NAA50: variants seen among roughly 807,000 people sequenced by gnomAD.
NAA50 encodes N-alpha-acetyltransferase 50.
In NAA50, 7 loss-of-function variants were observed where a neutral mutation model predicts 20.7. The observed-to-expected ratio is 0.34, with a 90% CI of 0.19 to 0.63. The LOEUF (loss-of-function observed/expected upper bound fraction) is 0.63. Ranked by LOEUF, NAA50 falls within the 30% of genes least tolerant of loss-of-function variation. The pLI is 0.75. For synonymous variants in NAA50, 54 were observed against 70.6 expected (o/e 0.77, Z 1.18); for missense variants, 111 against 199.1 (o/e 0.56, Z 2.66).
intron 2 of NAA50, 85 bp downstream of exon 2, chr3:113,723,874 T>C (rs1708166638): frequency 7.3e-7 from 1 of 1,377,482 alleles, no homozygotes; most frequent in African/African-American, 1.5e-5. Flanking sequence ...CTAAATTAGT[T>C]AACTTCTTCT....
At chr3:113,729,636 G>A (rs374685594) in intron 1 of NAA50, among the ~76,000 whole-genome samples, 3 of 151,690 alleles carry the variant, frequency 2.0e-5, no homozygotes, top group Non-Finnish European at 2.9e-5. Flanking sequence ...CTCCGCCTAC[G>A]GGCTCAGGGG....
intron 4 of NAA50, 146 bp downstream of exon 4, chr3:113,722,760 C>A: frequency 1.0e-6 from 1 of 961,122 alleles, no homozygotes; most frequent in Non-Finnish European, 1.5e-6. Context: ...CTAAACAAAA[C>A]TAACAACTAC....
Position 113,721,707 on chromosome 3 carries a change from C to T in NAA50, c.*53G>A, listed in dbSNP as rs1405011841. The T allele has an allele frequency of 3.1e-6, 5 of 1,590,914 alleles. No homozygotes were observed. The highest frequency in any genetic ancestry group is 2.6e-6 in the Non-Finnish European group (3 of 1,161,274). On this transcript the variant is annotated 3_prime_UTR_variant, in exon 5 of 5. Coordinates refer to ENST00000240922, the MANE Select transcript of NAA50 (RefSeq NM_025146.4). Reference sequence around the variant, plus strand: ...TTGGGGTGGGGGAGGAATCAATGGGCCTCTCTTTTATTTGGCGACAAGCAA... The same window carrying T: ...TTGGGGTGGGGGAGGAATCAATGGGTCTCTCTTTTATTTGGCGACAAGCAA...
At chr3:113,743,161 GCTA>G (rs1419419944) in intron 1 of NAA50, among the ~76,000 whole-genome samples, 4 of 152,116 alleles carry the variant, frequency 2.6e-5, no homozygotes, top group Non-Finnish European at 5.9e-5. Context: ...AAGTCCTACT[GCTA>G]CTACTAATAA....
chr3:113,739,877 G>C (rs747267304), intron 1 of NAA50, among the ~76,000 whole-genome samples: 28 of 152,132 alleles, frequency 1.8e-4, no homozygotes, highest in Admixed American at 4.6e-4. Context: ...AGATATACAA[G>C]TGACATACAA....
In NAA50 at chr3:113,716,481, T is replaced by C. The variant is rs960945489; in HGVS notation, c.*5279A>G. ...CATATAGTACCTGACAGTTTTATTA[T>C]ACTTTAGGGGAAGAGATGGCTAGTG... On this transcript the variant is annotated 3_prime_UTR_variant, in exon 5 of 5. Coordinates refer to ENST00000240922, the MANE Select transcript of NAA50 (RefSeq NM_025146.4). 1 of 152,254 alleles carries C rather than the reference T, an allele frequency of 6.6e-6. No individual in the cohort carries two copies. The highest frequency in any genetic ancestry group is 2.4e-5 in the African/African-American group (1 of 41,466). The allele number at this position is 152,254 out of a possible 1,614,324, so 9.4% of individuals were successfully genotyped here. A position where few individuals can be genotyped will look rare whatever the true frequency, so the allele number is the denominator to read the frequency against.
intron 1 of NAA50, among the ~76,000 whole-genome samples, chr3:113,731,761 T>G (rs940520049): frequency 1.3e-5 from 2 of 152,232 alleles, no homozygotes; most frequent in Non-Finnish European, 2.9e-5. Flanking sequence ...GTGGCATGAT[T>G]TTGACGTTCA....
intron 3 of NAA50, 100 bp from the exon 4 acceptor site, chr3:113,723,072 G>T: frequency 2.9e-6 from 4 of 1,364,146 alleles, no homozygotes; most frequent in Non-Finnish European, 3.9e-6. Flanking sequence ...AGTCCTAAAA[G>T]AATTTATGAG....
At chr3:113,729,329 T>C (rs951489366) in intron 1 of NAA50, among the ~76,000 whole-genome samples, 3 of 152,244 alleles carry the variant, frequency 2.0e-5, no homozygotes, top group Non-Finnish European at 2.9e-5. Context: ...CAGGGTTATC[T>C]TGGCCTCAAA....
At chr3:113,727,460 A>T (rs1708213734) in intron 1 of NAA50, among the ~76,000 whole-genome samples, 1 of 152,208 alleles carries the variant, frequency 6.6e-6, no homozygotes. Context: ...ACTTCATACA[A>T]GAAGAAAAAG....
At position 113,746,162 on chromosome 3, in the gene NAA50, C is replaced by T; in HGVS notation, c.-213G>A. 1 of 565,098 alleles carries T rather than the reference C, an allele frequency of 1.8e-6. No individual in the cohort carries two copies. Among genetic ancestry groups the T allele is most frequent in the Non-Finnish European group, 3.0e-6 (1 of 329,126 alleles). 35.0% of individuals were successfully genotyped at this position (565,098 alleles called of 1,614,324 possible). On this transcript the variant is annotated 5_prime_UTR_variant, in exon 1 of 5. Transcript: ENST00000240922. ...AGTGTCTCCCGCCGCCGCGCTTGTG[C>T]CGCCGCTTCTCCACACGTGCACTCG...
chr3:113,744,331 G>C (rs995947882), intron 1 of NAA50, among the ~76,000 whole-genome samples: 2 of 151,984 alleles, frequency 1.3e-5, no homozygotes, highest in Non-Finnish European at 2.9e-5. Context: ...AGGCGTGGTG[G>C]TGCGCGCCTG....
Position 113,718,848 on chromosome 3 carries a change from G to C in NAA50, c.*2912C>G, listed in dbSNP as rs149778127. 1.3e-5 allele frequency: 2 copies of C among 152,454 alleles called. No individual in the cohort carries two copies. Among genetic ancestry groups the C allele is most frequent in the African/African-American group, 4.8e-5 (2 of 41,402 alleles). 9.4% of individuals were successfully genotyped at this position (152,454 alleles called of 1,614,324 possible). On this transcript the variant is annotated 3_prime_UTR_variant, in exon 5 of 5. Coordinates refer to ENST00000240922, the MANE Select transcript of NAA50 (RefSeq NM_025146.4). ...GAATTAGGATGCCTTAATTACACTT[G>C]GCCTATTTTAATGATTTTAAAATTA...
At chr3:113,729,305 A>T (rs540403002) in intron 1 of NAA50, among the ~76,000 whole-genome samples, 1 of 152,172 alleles carries the variant, frequency 6.6e-6, no homozygotes, top group South Asian at 2.1e-4. Flanking sequence ...AATATTCTTG[A>T]TATGTTTTCT....
chr3:113,725,899 T>C (rs1393823858), intron 1 of NAA50, among the ~76,000 whole-genome samples: 1 of 152,174 alleles, frequency 6.6e-6, no homozygotes, highest in African/African-American at 2.4e-5. Context: ...AATGCCCAGT[T>C]TGGAGAACAT....
At chr3:113,730,070 C>T (rs1281345817) in intron 1 of NAA50, among the ~76,000 whole-genome samples, 4 of 152,008 alleles carry the variant, frequency 2.6e-5, no homozygotes, top group Admixed American at 2.0e-4. Context: ...AAGGCTGACT[C>T]GGGTGGATCA....
intron 1 of NAA50, among the ~76,000 whole-genome samples, chr3:113,736,552 C>T (rs970011145): frequency 1.3e-5 from 2 of 152,136 alleles, no homozygotes; most frequent in South Asian, 2.1e-4. Context: ...TTTGGCACAG[C>T]GATGTCAGAT....
intron 1 of NAA50, among the ~76,000 whole-genome samples, chr3:113,742,069 A>C (rs963665362): frequency 6.6e-6 from 1 of 152,186 alleles, no homozygotes; most frequent in Admixed American, 6.5e-5. Context: ...ATATGAATTC[A>C]TCTCAACACA....
chr3:113,723,831 C>G (rs755647749), intron 2 of NAA50, 128 bp downstream of exon 2: 12 of 1,069,734 alleles, frequency 1.1e-5, no homozygotes, highest in Non-Finnish European at 1.4e-5. Context: ...CAACCTAGAC[C>G]ACTCCCATTT....
Sources: gnomAD v4.1 joint callset for allele counts (sites outside exome capture counted in the v4.1 genomes callset) on GRCh38, gnomAD v4.1.1 for gene constraint, MANE v1.5 for transcripts, NCBI Gene and HGNC (gene_info 2026-07-23, HGNC 2026-07-21) for gene names.